The following DPP6 variants were observed in gnomAD, a reference collection of about 807,000 sequenced individuals.
The protein encoded by DPP6 is A-type potassium channel modulatory protein DPP6.
In DPP6, 69 loss-of-function variants were observed where a neutral mutation model predicts 122.6. That is an observed-to-expected ratio of 0.56 (90% CI 0.46 to 0.69). DPP6 has a LOEUF of 0.69. Among genes scored for constraint, DPP6 ranks in the 30% least tolerant of loss-of-function variants. DPP6 has a pLI of 0.00. For synonymous variants in DPP6, 418 were observed against 433.1 expected (o/e 0.97, Z 0.43); for missense variants, 928 against 1,116.9 (o/e 0.83, Z 2.41).
At chr7:154,669,640 TCTC>T (rs1838428869) in intron 7 of DPP6, among the ~76,000 whole-genome samples, 199 bp downstream of exon 7, 1 of 151,992 alleles carries the variant, frequency 6.6e-6, no homozygotes, top group Non-Finnish European at 1.5e-5. Context: ...GATAGCAAAT[TCTC>T]CTAAAATTGG....
At chr7:154,636,453 G>A (rs1393572809) in intron 5 of DPP6, among the ~76,000 whole-genome samples, 1 of 152,192 alleles carries the variant, frequency 6.6e-6, no homozygotes, top group South Asian at 2.1e-4. Flanking sequence ...AAGTTCCTGT[G>A]TTCCTTATTA....
rs963460760 is a variant in DPP6 at position 154,411,833 on chromosome 7, T to C, written c.244-34381T>C. On this transcript the variant is annotated intron_variant, in intron 1 of 25. Coordinates refer to ENST00000377770, the MANE Select transcript of DPP6 (RefSeq NM_130797.4). ...ATGATTTGGGCGCTAATAATACTTA[T>C]TGCAAGAGCATCCTGAAGTAGTCTC... Among the ~76,000 whole-genome samples, 3 of 152,292 alleles carry C rather than the reference T, an allele frequency of 2.0e-5. 1 individual carries two copies. Among genetic ancestry groups the C allele is most frequent in the South Asian group, 4.1e-4 (2 of 4,828 alleles).
At chr7:154,538,739 G>A (rs1277183666) in intron 3 of DPP6, among the ~76,000 whole-genome samples, 1 of 152,036 alleles carries the variant, frequency 6.6e-6, no homozygotes, top group Non-Finnish European at 1.5e-5. Context: ...GCTATATAAG[G>A]GCAACTTCAC....
chr7:153,842,173 A>G, the DPP6 span, among the ~76,000 whole-genome samples: 1 of 152,212 alleles, frequency 6.6e-6, no homozygotes, highest in African/African-American at 2.4e-5. Flanking sequence ...CCCTCCAGAA[A>G]GGTTATGCAA....
chr7:154,443,678 G>A (rs1231594750), intron 1 of DPP6, among the ~76,000 whole-genome samples: 3 of 149,996 alleles, frequency 2.0e-5, no homozygotes, highest in South Asian at 2.1e-4. Flanking sequence ...GGATGGATGA[G>A]TGGATGGATG....
At chr7:153,795,661 CT>C in the DPP6 span, among the ~76,000 whole-genome samples, 2 of 151,868 alleles carry the variant, frequency 1.3e-5, no homozygotes, top group African/African-American at 4.8e-5. Flanking sequence ...ATTTGCTTTT[CT>C]TTTTCTAAGT....
At chr7:154,730,790 A>T (rs962186754) in intron 8 of DPP6, among the ~76,000 whole-genome samples, 1 of 152,246 alleles carries the variant, frequency 6.6e-6, no homozygotes, top group Non-Finnish European at 1.5e-5. Context: ...ATTCTCTGGG[A>T]CTAATCTCCC....
At chr7:153,913,200 A>C (rs1800161811) in intron 1 of DPP6, among the ~76,000 whole-genome samples, 1 of 152,078 alleles carries the variant, frequency 6.6e-6, no homozygotes, top group Non-Finnish European at 1.5e-5. Flanking sequence ...TCAGCCTCCT[A>C]AGTAGCCGGG....
chr7:154,325,146 T>G (rs1447264629), intron 1 of DPP6, among the ~76,000 whole-genome samples: 1 of 152,064 alleles, frequency 6.6e-6, no homozygotes, highest in Non-Finnish European at 1.5e-5. Flanking sequence ...GGATTACAGA[T>G]ATGAGCCACC....
intron 1 of DPP6, among the ~76,000 whole-genome samples, chr7:154,175,748 C>T (rs1797768435): frequency 7.4e-6 from 1 of 136,022 alleles, no homozygotes. Flanking sequence ...GAGGCGGAGT[C>T]TCGGTCTGTC....
intron 1 of DPP6, among the ~76,000 whole-genome samples, chr7:154,164,825 A>C (rs1334838608): frequency 2.6e-5 from 4 of 152,128 alleles, no homozygotes; most frequent in African/African-American, 4.8e-5. Flanking sequence ...ATAATATTCC[A>C]CTGTATGCAC....
intron 7 of DPP6, among the ~76,000 whole-genome samples, chr7:154,683,251 G>A (rs1397005335): frequency 1.3e-5 from 2 of 152,022 alleles, no homozygotes; most frequent in African/African-American, 4.8e-5. Flanking sequence ...AGCCTAGATC[G>A]CTCTAGAGCC....
At chr7:153,887,573 A>C (rs1184951725) in exon 1 of DPP6, 7 of 1,331,336 alleles carry the variant, frequency 5.3e-6, no homozygotes, top group African/African-American at 2.9e-5. Context: ...TTCCTTCAAA[A>C]ACCCGTTTCC....
chr7:154,144,734 G>A (rs1796007726), intron 1 of DPP6, among the ~76,000 whole-genome samples: 3 of 152,152 alleles, frequency 2.0e-5, no homozygotes, highest in Admixed American at 6.5e-5. Flanking sequence ...GTTACATGAT[G>A]TCATAAGGAT....
chr7:154,846,360 C>T (rs536431092), intron 16 of DPP6, among the ~76,000 whole-genome samples: 8 of 152,072 alleles, frequency 5.3e-5, no homozygotes, highest in Non-Finnish European at 8.8e-5. Context: ...GTGAGCTCAG[C>T]CTGTTCCAGA....
At chr7:153,763,021 A>G in the DPP6 span, among the ~76,000 whole-genome samples, 25 of 152,298 alleles carry the variant, frequency 1.6e-4, no homozygotes, top group African/African-American at 6.0e-4. Flanking sequence ...ACAGCCGTGC[A>G]TGGTCATGAG....
chr7:154,793,990 G>C, intron 10 of DPP6, 89 bp from the exon 11 acceptor site: 1 of 1,516,912 alleles, frequency 6.6e-7, no homozygotes, highest in Non-Finnish European at 8.9e-7. Context: ...CGGCTCCCGT[G>C]TCGTGTCCAG....
chr7:154,290,016 T>G (rs1052785730), intron 1 of DPP6, among the ~76,000 whole-genome samples: 2 of 152,184 alleles, frequency 1.3e-5, no homozygotes, highest in African/African-American at 4.8e-5. Flanking sequence ...AAATGAGGTG[T>G]GATCATTGCA....
chr7:154,210,270 G>T (rs933501010), intron 1 of DPP6, among the ~76,000 whole-genome samples: 20 of 152,140 alleles, frequency 1.3e-4, no homozygotes, highest in Non-Finnish European at 2.9e-4. Flanking sequence ...ATGGCAGGGG[G>T]CGTGATGTCC....
Sources: gnomAD v4.1 joint callset for allele counts (sites outside exome capture counted in the v4.1 genomes callset) on GRCh38, gnomAD v4.1.1 for gene constraint, MANE v1.5 for transcripts, NCBI Gene and HGNC (gene_info 2026-07-23, HGNC 2026-07-21) for gene names.